Variants in FOXN3 observed in about 807,000 individuals in gnomAD.
FOXN3 encodes forkhead box N3, also known as forkhead box protein N3.
In FOXN3, 7 loss-of-function variants were observed where a neutral mutation model predicts 38.4. The ratio of observed to expected loss-of-function variants is 0.18; its 90% CI spans 0.10 to 0.34. The LOEUF (loss-of-function observed/expected upper bound fraction) is 0.34. Ranked by LOEUF, FOXN3 falls within the 10% of genes least tolerant of loss-of-function variation. The pLI is 1.00. For missense variants in FOXN3, 456 were observed against 613.4 expected, an observed-to-expected ratio of 0.74 and a Z score of 2.71; for synonymous variants, 230 against 242.2, an observed-to-expected ratio of 0.95 and a Z score of 0.47.
intron 1 of FOXN3, among the ~76,000 whole-genome samples, chr14:89,585,789 G>A (rs1895829816): frequency 1.3e-5 from 2 of 150,346 alleles, no homozygotes; most frequent in Middle Eastern, 3.4e-3. Context: ...AAGGAAGAAA[G>A]AAAGAAAGAA....
At chr14:89,369,611 C>T (rs1890256734) in intron 2 of FOXN3, among the ~76,000 whole-genome samples, 2 of 151,622 alleles carry the variant, frequency 1.3e-5, no homozygotes, top group Non-Finnish European at 2.9e-5. Context: ...GGAGGCCTCA[C>T]AATCATGGTG....
intron 2 of FOXN3, among the ~76,000 whole-genome samples, chr14:89,388,422 T>C (rs1428381400): frequency 6.6e-6 from 1 of 152,148 alleles, no homozygotes; most frequent in African/African-American, 2.4e-5. Context: ...CTGCTGGGTG[T>C]GGGCCACAGG....
intron 2 of FOXN3, chr14:89,351,072 C>G (rs1888949828): frequency 3.9e-6 from 1 of 256,408 alleles, no homozygotes; most frequent in African/African-American, 2.2e-5. Flanking sequence ...CCCAAACTAC[C>G]AATAAAATGA....
chr14:89,419,151 C>G (rs1307488841), upstream of FOXN3: 1 of 455,894 alleles, frequency 2.2e-6, no homozygotes, highest in African/African-American at 2.0e-5. Flanking sequence ...TTTCTCTCTC[C>G]CATTACAGTT....
intron 1 of FOXN3, among the ~76,000 whole-genome samples, chr14:89,589,290 C>T (rs1052129091): frequency 6.6e-6 from 1 of 152,156 alleles, no homozygotes; most frequent in African/African-American, 2.4e-5. Flanking sequence ...CCCAGACTTA[C>T]AAAAGCATTT....
At chr14:89,234,217 A>C in intron 4 of FOXN3, among the ~76,000 whole-genome samples, 1 of 152,212 alleles carries the variant, frequency 6.6e-6, no homozygotes, top group East Asian at 1.9e-4. Context: ...ACTGCAACAA[A>C]GTGCCACAAA....
chr14:89,207,016 A>T (rs1339377600), intron 4 of FOXN3, among the ~76,000 whole-genome samples: 1 of 152,168 alleles, frequency 6.6e-6, no homozygotes, highest in Non-Finnish European at 1.5e-5. Flanking sequence ...CAATAAGAAC[A>T]ACAATAGTAG....
intron 1 of FOXN3, among the ~76,000 whole-genome samples, chr14:89,459,698 A>G (rs1892799110): frequency 6.6e-6 from 1 of 152,158 alleles, no homozygotes; most frequent in Non-Finnish European, 1.5e-5. Flanking sequence ...CTTGGCCCAC[A>G]ACTTTCATGG....
intron 3 of FOXN3, among the ~76,000 whole-genome samples, chr14:89,336,014 T>C (rs748220310): frequency 2.0e-5 from 3 of 152,160 alleles, no homozygotes; most frequent in Non-Finnish European, 4.4e-5. Context: ...AGCTTTATAA[T>C]ATGGTGAGGT....
intron 4 of FOXN3, among the ~76,000 whole-genome samples, chr14:89,274,299 G>A (rs922769831): frequency 1.3e-5 from 2 of 152,090 alleles, no homozygotes; most frequent in Non-Finnish European, 2.9e-5. Context: ...AGAAAGGAAG[G>A]TATTTGGGAA....
At chr14:89,611,129 TTGCTTA>T (rs1416328392) in intron 1 of FOXN3, among the ~76,000 whole-genome samples, 6 of 152,248 alleles carry the variant, frequency 3.9e-5, no homozygotes, top group Non-Finnish European at 7.3e-5. Context: ...AGCAGAGCTC[TTGCTTA>T]GATGAAAAAA....
intron 4 of FOXN3, among the ~76,000 whole-genome samples, chr14:89,193,021 T>C (rs1888001518): frequency 1.3e-5 from 2 of 152,084 alleles, no homozygotes; most frequent in Non-Finnish European, 2.9e-5. Flanking sequence ...TGTTAAGGCC[T>C]CAGGCCTTTC....
intron 2 of FOXN3, chr14:89,364,440 G>A (rs1890074147): frequency 6.6e-6 from 1 of 151,626 alleles, no homozygotes; most frequent in Admixed American, 6.6e-5. Context: ...TCAAGATCCT[G>A]GCCCCATGAG....
At chr14:89,510,588 C>T (rs545268549) in intron 1 of FOXN3, among the ~76,000 whole-genome samples, 1 of 152,194 alleles carries the variant, frequency 6.6e-6, no homozygotes, top group Non-Finnish European at 1.5e-5. Flanking sequence ...TCAGAGGAAC[C>T]ACAAGCACAG....
intron 1 of FOXN3, among the ~76,000 whole-genome samples, chr14:89,542,062 A>C (rs1894799945): frequency 1.3e-5 from 2 of 152,112 alleles, no homozygotes; most frequent in African/African-American, 4.8e-5. Flanking sequence ...TTATTAAGAA[A>C]GTAAAGTGGT....
chr14:89,258,796 A>T (rs181243966), intron 4 of FOXN3, among the ~76,000 whole-genome samples: 2 of 152,308 alleles, frequency 1.3e-5, no homozygotes, highest in Admixed American at 6.5e-5. Flanking sequence ...ACGAGTATGA[A>T]GGTTCTCCCT....
intron 4 of FOXN3, among the ~76,000 whole-genome samples, chr14:89,228,492 A>G (rs1478088390): frequency 6.6e-6 from 1 of 152,228 alleles, no homozygotes; most frequent in Non-Finnish European, 1.5e-5. Context: ...AAATTTAAAT[A>G]ATTTGTTTTA....
At chr14:89,522,639 T>C (rs558659986) in intron 1 of FOXN3, among the ~76,000 whole-genome samples, 2 of 152,048 alleles carry the variant, frequency 1.3e-5, no homozygotes, top group South Asian at 4.1e-4. Flanking sequence ...ATTTTTATAC[T>C]ATAAATTAAT....
At chr14:89,589,806 T>C (rs1460471860) in intron 1 of FOXN3, among the ~76,000 whole-genome samples, 1 of 152,148 alleles carries the variant, frequency 6.6e-6, no homozygotes, top group Non-Finnish European at 1.5e-5. Flanking sequence ...GGCTGTGTGG[T>C]TGTATTCACA....
Sources: gnomAD v4.1 joint callset for allele counts (sites outside exome capture counted in the v4.1 genomes callset) on GRCh38, gnomAD v4.1.1 for gene constraint, MANE v1.5 for transcripts, NCBI Gene and HGNC (gene_info 2026-07-23, HGNC 2026-07-21) for gene names.